The following CLYBL variants were observed in gnomAD, a reference collection of about 807,000 sequenced individuals.
CLYBL encodes citramalyl-CoA lyase, mitochondrial.
A neutral mutation model predicts 38.9 loss-of-function variants in CLYBL; 31 were observed. The ratio of observed to expected loss-of-function variants is 0.80; its 90% CI spans 0.60 to 1.08. The LOEUF (loss-of-function observed/expected upper bound fraction) is 1.08. CLYBL is among the 50% of genes least tolerant of loss of function. The pLI is 0.00. For missense variants in CLYBL, 434 were observed against 411.6 expected, an observed-to-expected ratio of 1.05 and a Z score of -0.47; for synonymous variants, 171 against 158.6, an observed-to-expected ratio of 1.08 and a Z score of -0.59.
At chr13:99,769,550 T>A (rs996177860) in intron 1 of CLYBL, among the ~76,000 whole-genome samples, 7 of 152,230 alleles carry the variant, frequency 4.6e-5, no homozygotes, top group African/African-American at 1.7e-4. Flanking sequence ...AAGTAAAATG[T>A]GGTTGTTGCT....
chr13:99,621,283 C>G (rs2046792376), intron 1 of CLYBL, among the ~76,000 whole-genome samples: 1 of 152,140 alleles, frequency 6.6e-6, no homozygotes. Context: ...CCTCACCTAT[C>G]CTCCATCTTT....
Position 99,688,326 on chromosome 13 carries a change from G to T in CLYBL, c.62+81569G>T, listed in dbSNP as rs935424085. 4.6e-5 allele frequency among the ~76,000 whole-genome samples: 7 copies of T among 152,016 alleles called. No homozygotes were observed. The East Asian group carries it at 1.3e-3, about 29-fold the overall frequency. ...TCTTATGCTAAAACAGTGGGGGAGCGATTAAAAGTGAGAAAAATATTAGTA... is the reference window on the plus strand; with the variant it reads ...TCTTATGCTAAAACAGTGGGGGAGCTATTAAAAGTGAGAAAAATATTAGTA... On this transcript the variant is annotated intron_variant, in intron 1 of 8. Coordinates refer to ENST00000339105, the MANE Select transcript of CLYBL (RefSeq NM_206808.5).
At chr13:99,607,835 C>T (rs1224577513) in intron 1 of CLYBL, among the ~76,000 whole-genome samples, 3 of 152,058 alleles carry the variant, frequency 2.0e-5, no homozygotes, top group Non-Finnish European at 4.4e-5. Flanking sequence ...CCTCCACCTC[C>T]TGGGTTCAAG....
chr13:99,873,817 T>G (rs897534871), intron 7 of CLYBL, among the ~76,000 whole-genome samples: 1 of 152,218 alleles, frequency 6.6e-6, no homozygotes. Flanking sequence ...TTCATGGGAC[T>G]ACTTAGACCA....
intron 1 of CLYBL, among the ~76,000 whole-genome samples, chr13:99,608,847 CTT>C (rs57961216): frequency 1.4e-3 from 119 of 87,724 alleles, no homozygotes; most frequent in African/African-American, 2.7e-3. Flanking sequence ...AGTGATGAGT[CTT>C]TTTTTTTTTT....
At chr13:99,662,463 G>A (rs1337258066) in intron 1 of CLYBL, among the ~76,000 whole-genome samples, 1 of 146,636 alleles carries the variant, frequency 6.8e-6, no homozygotes, top group Non-Finnish European at 1.5e-5. Context: ...CTATTTCGTT[G>A]AATTTATGCT....
At chr13:99,845,972 T>TAAA (rs10677824) in intron 2 of CLYBL, among the ~76,000 whole-genome samples, 89,632 of 147,734 alleles carry the variant, frequency 0.61, 27,252 homozygotes, top group East Asian at 0.77. Flanking sequence ...ATTTGCCACC[T>TAAA]AAAAAAAAAA....
chr13:99,627,809 C>T (rs2139223455), intron 1 of CLYBL, among the ~76,000 whole-genome samples: 1 of 152,340 alleles, frequency 6.6e-6, no homozygotes, highest in Admixed American at 6.5e-5. Context: ...AATGTTGCTA[C>T]ATAATCTCAG....
intron 7 of CLYBL, among the ~76,000 whole-genome samples, chr13:99,878,650 A>G (rs1412338169): frequency 1.3e-5 from 2 of 152,244 alleles, no homozygotes; most frequent in Non-Finnish European, 1.5e-5. Flanking sequence ...TCGTACCTCA[A>G]TAAAGCCACT....
At chr13:99,720,742 C>CT in intron 1 of CLYBL, among the ~76,000 whole-genome samples, 3 of 152,184 alleles carry the variant, frequency 2.0e-5, no homozygotes, top group Admixed American at 2.0e-4. Context: ...AAAAATTGTT[C>CT]TTTTTTCATG....
intron 1 of CLYBL, among the ~76,000 whole-genome samples, chr13:99,710,357 C>T (rs991513650): frequency 1.3e-5 from 2 of 152,134 alleles, no homozygotes; most frequent in African/African-American, 2.4e-5. Context: ...GTCACGGGGC[C>T]GCACATGGCA....
rs533573953 is a variant in CLYBL, at chr13:99,664,158, G to A, written c.62+57401G>A. Among the ~76,000 whole-genome samples the A allele has an allele frequency of 8.9e-4, 136 of 152,354 alleles. 2 individuals carry two copies. The highest frequency in any genetic ancestry group is 8.9e-3 in the Admixed American group (136 of 15,306). On this transcript the variant is annotated intron_variant, in intron 1 of 8. Coordinates refer to ENST00000339105, the MANE Select transcript of CLYBL (RefSeq NM_206808.5). ...ATAAATCAGTGGTCATAGATGTGGA[G>A]CTTGATGTCTCTTCGGCTCTGGGAC...
intron 2 of CLYBL, among the ~76,000 whole-genome samples, chr13:99,838,431 C>G (rs930488157): frequency 6.6e-6 from 1 of 152,094 alleles, no homozygotes; most frequent in African/African-American, 2.4e-5. Context: ...GTTTATCTTG[C>G]ATTTGTAGAA....
rs545294913 is a variant in CLYBL at position 99,714,157 on chromosome 13, TATA to T, written c.63-58663_63-58661del. On this transcript the variant is annotated intron_variant, in intron 1 of 8. Coordinates refer to ENST00000339105, the MANE Select transcript of CLYBL (RefSeq NM_206808.5). The stretch of plus-strand genomic sequence containing the variant: ...ATTTTATTCCTGTTTTTGCATGTAT[TATA>T]ATATCTTATTTCTCTGTTTGTTCTG... Among the ~76,000 whole-genome samples, 130 of 152,340 alleles carry T rather than the reference TATA, an allele frequency of 8.5e-4. 1 individual carries two copies. The highest frequency in any genetic ancestry group is 6.8e-3 in the Middle Eastern group (2 of 294).
intron 1 of CLYBL, among the ~76,000 whole-genome samples, chr13:99,716,507 C>T (rs2139511903): frequency 6.6e-6 from 1 of 151,048 alleles, no homozygotes; most frequent in South Asian, 2.1e-4. Flanking sequence ...CCTAAGCCTC[C>T]CAAGTAGCTG....
intron 7 of CLYBL, among the ~76,000 whole-genome samples, chr13:99,885,420 G>T (rs571251366): frequency 7.2e-5 from 11 of 152,134 alleles, no homozygotes; most frequent in African/African-American, 1.2e-4. Flanking sequence ...TGAGGCTGAG[G>T]GGGGAGGGTC....
intron 7 of CLYBL, among the ~76,000 whole-genome samples, chr13:99,888,282 G>A (rs201666536): frequency 1.0e-5 from 1 of 96,088 alleles, no homozygotes; most frequent in Admixed American, 1.0e-4. Context: ...TTATGTTTTT[G>A]CCACAACTAA....
intron 1 of CLYBL, among the ~76,000 whole-genome samples, chr13:99,721,596 T>G (rs574501884): frequency 1.3e-5 from 2 of 151,918 alleles, no homozygotes; most frequent in South Asian, 4.2e-4. Flanking sequence ...TCATTTACAT[T>G]AGTTATATCT....
chr13:99,835,983 G>T (rs1242559618), intron 2 of CLYBL, among the ~76,000 whole-genome samples: 1 of 152,216 alleles, frequency 6.6e-6, no homozygotes, highest in Non-Finnish European at 1.5e-5. Flanking sequence ...ACGACAAGGG[G>T]CAGCTCAGGG....
Sources: allele counts gnomAD v4.1 joint callset (sites outside exome capture counted in the v4.1 genomes callset), GRCh38; gene constraint gnomAD v4.1.1; transcripts MANE v1.5; gene names NCBI Gene and HGNC (gene_info 2026-07-23, HGNC 2026-07-21).